The following BRAP variants were observed in gnomAD, a reference collection of about 807,000 sequenced individuals.
BRAP encodes BRCA1 associated protein.
BRAP carries 42 observed loss-of-function variants against 73.4 expected under a neutral mutation model. The observed-to-expected ratio is 0.57, with a 90% CI of 0.45 to 0.74. The LOEUF is 0.74. BRAP is among the 30% of genes least tolerant of loss of function. BRAP has a pLI of 0.00. For missense variants in BRAP, 593 were observed against 751.4 expected, an observed-to-expected ratio of 0.79 and a Z score of 2.46; for synonymous variants, 255 against 267.4, an observed-to-expected ratio of 0.95 and a Z score of 0.45.
At chr12:111,652,886 T>G (rs778663611) in intron 10 of BRAP, among the ~76,000 whole-genome samples, 4 of 152,138 alleles carry the variant, frequency 2.6e-5, no homozygotes, top group Non-Finnish European at 5.9e-5. Context: ...ATTTTTTGTA[T>G]TTTTAGTAGA....
At position 111,665,159 on chromosome 12, in the gene BRAP, T is replaced by C. The variant is rs570122711; in HGVS notation, c.896+480A>G. Among the ~76,000 whole-genome samples the C allele has an allele frequency of 9.8e-5, 15 of 152,304 alleles. 1 individual carries two copies. The East Asian group carries it at 2.7e-3, about 27-fold the overall frequency. ...TCACCTATGACTAAGACCTGGTATG[T>C]TGGGAATCAGGAGGCTGTAGAGTAG... On this transcript the variant is annotated intron_variant, in intron 6 of 11. Transcript: ENST00000419234. This position sits in a 1 kb window ranked among gnomAD's most constrained non-coding sequence, Gnocchi z 4.3.
In BRAP at chr12:111,644,004, C is replaced by A. The variant is rs536890759; in HGVS notation, c.*195G>T. 10 of 867,352 alleles carry A rather than the reference C, an allele frequency of 1.2e-5. 1 individual carries two copies. Among genetic ancestry groups the A allele is most frequent in the Non-Finnish European group, 1.7e-5 (10 of 590,014 alleles). The allele number at this position is 867,352 out of a possible 1,614,324, so 53.7% of individuals were successfully genotyped here. A position where few individuals can be genotyped will look rare whatever the true frequency, so the allele number is the denominator to read the frequency against. On this transcript the variant is annotated 3_prime_UTR_variant, in exon 12 of 12. Coordinates refer to ENST00000419234, the MANE Select transcript of BRAP (RefSeq NM_006768.5). ...ACTCTTAAGACCTTTTCGAACGCAG[C>A]GCCTTTCTATCAGCTCTCCAGTCAG...
intron 11 of BRAP, among the ~76,000 whole-genome samples, chr12:111,645,799 G>A (rs1324235418): frequency 1.3e-5 from 2 of 151,922 alleles, no homozygotes; most frequent in South Asian, 2.1e-4. Flanking sequence ...GACCAGCCTG[G>A]GCAACAAAGT....
chr12:111,668,307 T>C (rs1247083621), intron 5 of BRAP, among the ~76,000 whole-genome samples: 1 of 152,218 alleles, frequency 6.6e-6, no homozygotes, highest in Non-Finnish European at 1.5e-5. Flanking sequence ...AGAAAGTGTA[T>C]CTTCTTGTTT....
At chr12:111,677,442 G>C (rs893980844) in intron 4 of BRAP, among the ~76,000 whole-genome samples, 10 of 152,118 alleles carry the variant, frequency 6.6e-5, no homozygotes, top group African/African-American at 2.2e-4. Context: ...CCACACTCTT[G>C]CTTGTCATTT....
At chr12:111,681,602 A>AAAAAAAT in intron 3 of BRAP, 35 bp downstream of exon 3, 1 of 1,476,282 alleles carries the variant, frequency 6.8e-7, no homozygotes, top group Non-Finnish European at 9.2e-7. Flanking sequence ...AAAAAAAAAA[A>AAAAAAAT]TTGACTAACC....
At position 111,658,729 on chromosome 12, in the gene BRAP, C is replaced by A; in HGVS notation, c.1221+7G>T. The A allele has an allele frequency of 6.5e-7, 1 of 1,531,250 alleles. No individual in the cohort carries two copies. 94.9% of individuals were successfully genotyped at this position (1,531,250 alleles called of 1,614,324 possible). A position where few individuals can be genotyped will look rare whatever the true frequency, so the allele number is the denominator to read the frequency against. On this transcript the variant is annotated splice_region_variant and intron_variant, in intron 9 of 11. Coordinates refer to ENST00000419234, the MANE Select transcript of BRAP (RefSeq NM_006768.5). Reference sequence around the variant, plus strand: ...CAGATAGAGTGATAACTCATTAAATCTCTTACCTCTAACTGTAAGGCATCT... The same window carrying A: ...CAGATAGAGTGATAACTCATTAAATATCTTACCTCTAACTGTAAGGCATCT...
rs1200704211 is a variant in BRAP at position 111,681,766 on chromosome 12, T to C, written c.314A>G (p.Asp105Gly). 1.2e-6 allele frequency: 2 copies of C among 1,613,998 alleles called. No individual in the cohort carries two copies. The highest frequency in any genetic ancestry group is 1.7e-6 in the Non-Finnish European group (2 of 1,180,022). ...EASPTAQRSKDHSKECINAAP... is the reference protein window; with the variant it reads ...EASPTAQRSKGHSKECINAAP... The stretch of plus-strand genomic sequence containing the variant: ...AGCGTTTATGCATTCCTTACTGTGA[T>C]CTTTACTTCTTTGCGCAGTGGGGGA... Residue 105 changes from aspartate (D) to glycine (G), a missense_variant, in exon 3 of 12, where the codon GAT (aspartate) becomes GGT (glycine). By Grantham distance (94) the Asp-to-Gly change is moderately conservative. Coordinates refer to ENST00000419234, the MANE Select transcript of BRAP (RefSeq NM_006768.5).
rs73418400 is a variant in BRAP at position 111,682,865 on chromosome 12, T to C, written c.244+281A>G. Reference sequence around the variant, plus strand: ...AGGCTGAGGTTGTAATGACCCGACATTGCACCACTGCACTCTAGCCTGGGC... The same window carrying C: ...AGGCTGAGGTTGTAATGACCCGACACTGCACCACTGCACTCTAGCCTGGGC... On this transcript the variant is annotated intron_variant, in intron 2 of 11. Coordinates refer to ENST00000419234, the MANE Select transcript of BRAP (RefSeq NM_006768.5). 6.6e-3 allele frequency among the ~76,000 whole-genome samples: 998 copies of C among 152,102 alleles called. 11 individuals carry two copies. The highest frequency in any genetic ancestry group is 0.023 in the African/African-American group (951 of 41,494).
At chr12:111,676,754 T>C (rs1275468669) in intron 4 of BRAP, among the ~76,000 whole-genome samples, 1 of 152,112 alleles carries the variant, frequency 6.6e-6, no homozygotes, top group African/African-American at 2.4e-5. Flanking sequence ...AGACAATGCA[T>C]GGAAAGCACT....
intron 11 of BRAP, among the ~76,000 whole-genome samples, chr12:111,649,324 TG>T (rs1180736708): frequency 2.0e-5 from 3 of 152,092 alleles, no homozygotes; most frequent in Non-Finnish European, 4.4e-5. Context: ...AGCTCATTTT[TG>T]TATTTTTAGT....
chr12:111,673,650 T>A (rs751134027), intron 4 of BRAP, among the ~76,000 whole-genome samples: 3 of 152,074 alleles, frequency 2.0e-5, no homozygotes, highest in Non-Finnish European at 4.4e-5. Flanking sequence ...GATAGTTAGA[T>A]CCCATCTAAT....
In BRAP at chr12:111,665,619, G is replaced by A. The variant is rs767390818; in HGVS notation, c.896+20C>T. 7.0e-5 allele frequency: 113 copies of A among 1,613,856 alleles called. No homozygotes were observed. Among genetic ancestry groups the A allele is most frequent in the Non-Finnish European group, 9.1e-5 (107 of 1,179,928 alleles). On this transcript the variant is annotated intron_variant, in intron 6 of 11. Coordinates refer to ENST00000419234, the MANE Select transcript of BRAP (RefSeq NM_006768.5). The surrounding 1 kb of genome is among the most constrained non-coding windows in gnomAD (Gnocchi z 4.3). ...GTTGCAATGGGCTTGTACACAGAGG[G>A]GTTCGGCCCCTGCACTCACGTGGTA...
chr12:111,646,541 G>A (rs182452706), intron 11 of BRAP, among the ~76,000 whole-genome samples: 6 of 152,268 alleles, frequency 3.9e-5, no homozygotes, highest in Non-Finnish European at 5.9e-5. Flanking sequence ...TTGGGAGGCC[G>A]AGGAGGGTGG....
At chr12:111,668,878 G>A (rs1379840085) in intron 5 of BRAP, among the ~76,000 whole-genome samples, 2 of 151,960 alleles carry the variant, frequency 1.3e-5, no homozygotes, top group Non-Finnish European at 2.9e-5. Flanking sequence ...AGATGGTCTC[G>A]ATCTCCTGAC....
At position 111,642,923 on chromosome 12, in the gene BRAP, CA is replaced by C. The variant is rs1308309495; in HGVS notation, c.*1275del. The C allele has an allele frequency of 6.6e-6, 1 of 152,182 alleles. No individual in the cohort carries two copies. The highest frequency in any genetic ancestry group is 1.5e-5 in the Non-Finnish European group (1 of 68,036). The allele number at this position is 152,182 out of a possible 1,614,324, so 9.4% of individuals were successfully genotyped here. On this transcript the variant is annotated 3_prime_UTR_variant, in exon 12 of 12. Coordinates refer to ENST00000419234, the MANE Select transcript of BRAP (RefSeq NM_006768.5). The stretch of plus-strand genomic sequence containing the variant: ...GGTCAAAGGGGATGAGGCCTAATTA[CA>C]GGCTAAAAACCTATTCTGAAATGTG...
intron 10 of BRAP, among the ~76,000 whole-genome samples, chr12:111,651,625 G>C (rs1358832050): frequency 6.7e-6 from 1 of 148,230 alleles, no homozygotes; most frequent in Non-Finnish European, 1.5e-5. Context: ...ATGGAAGAAA[G>C]ATTTCTTTTC....
rs1172191143 is a variant in BRAP, at chr12:111,683,139, A to T, written c.244+7T>A. 1 of 1,611,360 alleles carries T rather than the reference A, an allele frequency of 6.2e-7. No homozygotes were observed. The highest frequency in any genetic ancestry group is 8.5e-7 in the Non-Finnish European group (1 of 1,179,060). On this transcript the variant is annotated splice_region_variant and intron_variant, in intron 2 of 11. Coordinates refer to ENST00000419234, the MANE Select transcript of BRAP (RefSeq NM_006768.5). The stretch of plus-strand genomic sequence containing the variant: ...CAAAAGAGAGTCCAGGGTTTTAGAA[A>T]GCATACCTGGGTTGGACTTCATGGT...
rs756923770 is a variant in BRAP at position 111,685,820 on chromosome 12, CG to C, written c.-29del. On this transcript the variant is annotated 5_prime_UTR_variant, in exon 1 of 12. Transcript: ENST00000419234. ...GGCAGGCGCTGGCCGGCGCGGGCCCCGGCGGGCTCAGGCGAGGCTGGAAGGC... is the reference window on the plus strand; with the variant it reads ...GGCAGGCGCTGGCCGGCGCGGGCCCCGCGGGCTCAGGCGAGGCTGGAAGGC... 1 of 1,438,356 alleles carries C rather than the reference CG, an allele frequency of 7.0e-7. No homozygotes were observed. The highest frequency in any genetic ancestry group is 3.2e-5 in the East Asian group (1 of 31,154). 89.1% of individuals were successfully genotyped at this position (1,438,356 alleles called of 1,614,324 possible).
Sources: gnomAD v4.1 joint callset for allele counts (sites outside exome capture counted in the v4.1 genomes callset) on GRCh38, gnomAD v4.1.1 for gene constraint, Gnocchi (gnomAD v3.1) non-coding constraint, MANE v1.5 for transcripts, NCBI Gene and HGNC (gene_info 2026-07-23, HGNC 2026-07-21) for gene names.